C9orf72: variants seen among roughly 807,000 people sequenced by gnomAD.
C9orf72 encodes the protein guanine nucleotide exchange factor C9orf72.
Under a neutral mutation model 51.6 loss-of-function variants are expected in C9orf72, and 44 were observed. The observed-to-expected ratio is 0.85, with a 90% CI of 0.67 to 1.10. The LOEUF (loss-of-function observed/expected upper bound fraction) is 1.10. Among genes scored for constraint, C9orf72 ranks in the 50% least tolerant of loss-of-function variants. C9orf72 has a pLI of 0.00. For synonymous variants in C9orf72, 213 were observed against 194.2 expected, an observed-to-expected ratio of 1.10 and a Z score of -0.81; for missense variants, 607 against 570.6, an observed-to-expected ratio of 1.06 and a Z score of -0.65.
chr9:27,567,125 G>T lies in C9orf72; in HGVS notation c.-5C>A. 6.2e-7 allele frequency: 1 copy of T among 1,609,124 alleles called. No individual in the cohort carries two copies. Among genetic ancestry groups the T allele is most frequent in the Non-Finnish European group, 8.5e-7 (1 of 1,176,672 alleles). On this transcript the variant is annotated 5_prime_UTR_variant, in exon 2 of 11. Coordinates refer to ENST00000380003, the MANE Select transcript of C9orf72 (RefSeq NM_018325.5). ...CGGTGGGCAAAGAGTCGACATCACT[G>T]CATTCCAACTGTCACATTATCCAAA... is the stretch of plus-strand genomic sequence containing the variant.
At chr9:27,560,770 A>C (rs746278803) in intron 5 of C9orf72, 44 of 984,922 alleles carry the variant, frequency 4.5e-5, no homozygotes, top group Admixed American at 6.1e-5. Context: ...AAGACTGTGA[A>C]CATAAAAGTG....
chr9:27,550,927 T>C (rs926129129), intron 8 of C9orf72, among the ~76,000 whole-genome samples: 2 of 152,172 alleles, frequency 1.3e-5, no homozygotes, highest in Non-Finnish European at 2.9e-5. Flanking sequence ...TTACTGGTGT[T>C]TGTCAGGCTA....
chr9:27,553,583 C>T (rs1375637828), intron 8 of C9orf72, among the ~76,000 whole-genome samples: 1 of 152,064 alleles, frequency 6.6e-6, no homozygotes, highest in Non-Finnish European at 1.5e-5. Flanking sequence ...AAGACATAAA[C>T]GTAAAATCTA....
intron 8 of C9orf72, among the ~76,000 whole-genome samples, chr9:27,554,289 G>C (rs1820966194): frequency 6.6e-6 from 1 of 152,094 alleles, no homozygotes; most frequent in Non-Finnish European, 1.5e-5. Flanking sequence ...TGGTAGACTG[G>C]ATAAAGAAAA....
intron 10 of C9orf72, 36 bp downstream of exon 10, chr9:27,548,521 A>G: frequency 1.3e-6 from 2 of 1,493,416 alleles, no homozygotes; most frequent in Non-Finnish European, 1.8e-6. Context: ...AAAACAATGT[A>G]CAAAGGTTTT....
chr9:27,552,218 T>C (rs1390871732), intron 8 of C9orf72, among the ~76,000 whole-genome samples: 1 of 152,216 alleles, frequency 6.6e-6, no homozygotes, highest in Non-Finnish European at 1.5e-5. Context: ...CATCCTTGTC[T>C]TGTTACGGTT....
intron 9 of C9orf72, 55 bp downstream of exon 9, chr9:27,550,594 TA>T: frequency 9.0e-7 from 1 of 1,110,194 alleles, no homozygotes; most frequent in Non-Finnish European, 1.3e-6. Context: ...TAGGATATAT[TA>T]AAAAAGAAAA....
chr9:27,554,541 AC>A, intron 8 of C9orf72: 1 of 398,344 alleles, frequency 2.5e-6, no homozygotes, highest in Non-Finnish European at 4.4e-6. Flanking sequence ...TATGCTTATT[AC>A]CTGGGTAATG....
intron 8 of C9orf72, among the ~76,000 whole-genome samples, chr9:27,555,989 G>T (rs1821002844): frequency 6.8e-6 from 1 of 147,796 alleles, no homozygotes; most frequent in Admixed American, 6.7e-5. Context: ...TTTCAAGTTG[G>T]GTCCATGCTC....
At chr9:27,551,712 T>C (rs1416575801) in intron 8 of C9orf72, among the ~76,000 whole-genome samples, 3 of 152,230 alleles carry the variant, frequency 2.0e-5, no homozygotes, top group South Asian at 2.1e-4. Flanking sequence ...TCTTGGGCTC[T>C]GGAAAGAGAA....
At chr9:27,563,253 G>C (rs1037604494) in intron 3 of C9orf72, among the ~76,000 whole-genome samples, 4 of 152,194 alleles carry the variant, frequency 2.6e-5, no homozygotes, top group Admixed American at 2.6e-4. Context: ...GCTATTTCAA[G>C]ATATTACTAC....
At chr9:27,555,838 C>T (rs10967984) in intron 8 of C9orf72, among the ~76,000 whole-genome samples, 68,769 of 151,922 alleles carry the variant, frequency 0.45, 17,772 homozygotes, top group East Asian at 0.79. Context: ...TCTGTTCTTA[C>T]AGGCATGAGC....
intron 1 of C9orf72, among the ~76,000 whole-genome samples, chr9:27,570,836 T>C (rs1819570855): frequency 6.6e-6 from 1 of 151,802 alleles, no homozygotes; most frequent in Non-Finnish European, 1.5e-5. Flanking sequence ...GCCACTGCAC[T>C]CCAGCCTGGG....
chr9:27,546,791 T>C lies in C9orf72; in HGVS notation c.*1445A>G, dbSNP rs1820778201. On this transcript the variant is annotated 3_prime_UTR_variant, in exon 11 of 11. Coordinates refer to ENST00000380003, the MANE Select transcript of C9orf72 (RefSeq NM_018325.5). ...AAATGACTGAGCTACAGTACAACAG[T>C]CATCTAGTTCAGTGGTTGTCTAAAA... 1 of 152,138 alleles carries C rather than the reference T, an allele frequency of 6.6e-6. No individual in the cohort carries two copies. Among genetic ancestry groups the C allele is most frequent in the Non-Finnish European group, 1.5e-5 (1 of 68,016 alleles). The allele number at this position is 152,138 out of a possible 1,614,324, so 9.4% of individuals were successfully genotyped here.
chr9:27,549,027 T>G (rs542176598), intron 9 of C9orf72, among the ~76,000 whole-genome samples: 1 of 152,182 alleles, frequency 6.6e-6, no homozygotes, highest in Admixed American at 6.5e-5. Flanking sequence ...GTATACTTAG[T>G]AGAGACGGGG....
rs1819373931 is a variant in C9orf72, at chr9:27,562,452, T to G, written c.529A>C (p.Thr177Pro). ...TCCATTACAGGAATCACTTCTCCAG[T>G]AAGCATTGGAATAATACTCTGACCC... ...DQGQSIIPMLTGEVIPVMELL... is the reference protein window; with the variant it reads ...DQGQSIIPMLPGEVIPVMELL... The change falls in exon 4 of 11, where the codon ACT (threonine) becomes CCT (proline). Residue 177 changes from threonine (T) to proline (P), a missense_variant. Transcript: ENST00000380003. 6.3e-7 allele frequency: 1 copy of G among 1,590,730 alleles called. No individual in the cohort carries two copies. The highest frequency in any genetic ancestry group is 8.6e-7 in the Non-Finnish European group (1 of 1,166,704).
At chr9:27,572,671 T>C (rs1483902016) in intron 1 of C9orf72, among the ~76,000 whole-genome samples, 3 of 152,032 alleles carry the variant, frequency 2.0e-5, no homozygotes, top group Admixed American at 2.0e-4. Flanking sequence ...CCCTCCTGTT[T>C]CTGAATACAA....
At chr9:27,564,551 T>A (rs1819422911) in intron 3 of C9orf72, among the ~76,000 whole-genome samples, 1 of 152,200 alleles carries the variant, frequency 6.6e-6, no homozygotes, top group Non-Finnish European at 1.5e-5. Flanking sequence ...TCTTTTCTTG[T>A]TAAGTCAGAC....
chr9:27,564,045 T>G (rs1296121839), intron 3 of C9orf72, among the ~76,000 whole-genome samples: 1 of 151,976 alleles, frequency 6.6e-6, no homozygotes, highest in Non-Finnish European at 1.5e-5. Context: ...GGAAGAATAA[T>G]TTTGGGAAAA....
Sources: allele counts gnomAD v4.1 joint callset (sites outside exome capture counted in the v4.1 genomes callset), GRCh38; gene constraint gnomAD v4.1.1; transcripts MANE v1.5; gene names NCBI Gene and HGNC (gene_info 2026-07-23, HGNC 2026-07-21).